Variants in NYAP2 observed in about 807,000 individuals in gnomAD.
NYAP2 encodes neuronal tyrosine-phosphorylated phosphoinositide-3-kinase adaptor 2, also known as neuronal tyrosine-phosphorylated phosphoinositide-3-kinase adapter 2.
A neutral mutation model predicts 50.4 loss-of-function variants in NYAP2; 23 were observed. The ratio of observed to expected loss-of-function variants is 0.46; its 90% CI spans 0.33 to 0.65. The LOEUF (loss-of-function observed/expected upper bound fraction) is 0.65, where lower values mean the gene tolerates loss of function less well. Among genes scored for constraint, NYAP2 ranks in the 30% least tolerant of loss-of-function variants. The probability of loss-of-function intolerance (pLI) is 0.02; values close to 1 mark genes in which losing one functional copy is unlikely to be tolerated. For synonymous variants in NYAP2, 394 were observed against 365.2 expected, an observed-to-expected ratio of 1.08 and a Z score of -0.90; for missense variants, 885 against 861.0, an observed-to-expected ratio of 1.03 and a Z score of -0.35.
chr2:225,475,119 C>T (rs1197925330), intron 3 of NYAP2, among the ~76,000 whole-genome samples: 1 of 152,120 alleles, frequency 6.6e-6, no homozygotes, highest in African/African-American at 2.4e-5. Flanking sequence ...AAAACTATAG[C>T]AAAAGCATAA....
At chr2:225,446,245 TC>T (rs1416332769) in intron 3 of NYAP2, among the ~76,000 whole-genome samples, 12 of 109,438 alleles carry the variant, frequency 1.1e-4, no homozygotes, top group African/African-American at 4.1e-4. Context: ...TCTCTCTCTC[TC>T]TATATATATA....
At chr2:225,665,577 T>A in the NYAP2 span, among the ~76,000 whole-genome samples, 1 of 150,986 alleles carries the variant, frequency 6.6e-6, no homozygotes, top group African/African-American at 2.4e-5. Context: ...TAGCTCCTTT[T>A]TTTTTTGAGA....
At chr2:225,429,702 C>T (rs1695338757) in intron 3 of NYAP2, among the ~76,000 whole-genome samples, 2 of 152,164 alleles carry the variant, frequency 1.3e-5, no homozygotes, top group Admixed American at 1.3e-4. Flanking sequence ...CATATGTTTG[C>T]AGAATCTAGG....
chr2:225,555,584 T>A (rs1835532), intron 4 of NYAP2, among the ~76,000 whole-genome samples: 140,786 of 152,188 alleles, frequency 0.93, 65,204 homozygotes, highest in Middle Eastern at 0.99. Context: ...CCATCTAGTT[T>A]TCAATGGTAA....
At chr2:225,474,029 G>C (rs1174727164) in intron 3 of NYAP2, among the ~76,000 whole-genome samples, 1 of 152,146 alleles carries the variant, frequency 6.6e-6, no homozygotes, top group Non-Finnish European at 1.5e-5. Flanking sequence ...TCTACATATG[G>C]CTAGCCAGTT....
the NYAP2 span, chr2:225,702,344 A>G: frequency 1.7e-4 from 26 of 151,890 alleles, no homozygotes; most frequent in African/African-American, 6.0e-4. Flanking sequence ...GAGCAAACTT[A>G]TGTATCAGGC....
At position 225,495,915 on chromosome 2, in the gene NYAP2, C is replaced by G. The variant is rs555741556; in HGVS notation, c.222-17456C>G. On this transcript the variant is annotated intron_variant, in intron 3 of 6. Transcript: ENST00000636099. The stretch of plus-strand genomic sequence containing the variant: ...CTGAGGTCATCCTTGCAAATGATGA[C>G]AGCCCCACCTGCTGTGAGTCTGAAT... 2.0e-4 allele frequency among the ~76,000 whole-genome samples: 30 copies of G among 152,238 alleles called. No homozygotes were observed. The Middle Eastern group carries it at 0.01, about 52-fold the overall frequency.
At chr2:225,692,056 C>T in the NYAP2 span, among the ~76,000 whole-genome samples, 1 of 152,126 alleles carries the variant, frequency 6.6e-6, no homozygotes, top group Non-Finnish European at 1.5e-5. Context: ...CACGACAAGT[C>T]TCAAGACTCC....
chr2:225,641,338 G>A (rs909835076), intron 6 of NYAP2, among the ~76,000 whole-genome samples: 3 of 151,310 alleles, frequency 2.0e-5, no homozygotes, highest in Non-Finnish European at 4.4e-5. Flanking sequence ...ACTAGTTCTG[G>A]AAGTTTTGTA....
At chr2:225,631,685 T>C (rs1224719653) in intron 6 of NYAP2, among the ~76,000 whole-genome samples, 2 of 152,216 alleles carry the variant, frequency 1.3e-5, no homozygotes, top group Non-Finnish European at 2.9e-5. Context: ...GTTGTGTTGT[T>C]AGCTTTTATT....
intron 6 of NYAP2, among the ~76,000 whole-genome samples, chr2:225,635,432 TA>T (rs1413656772): frequency 1.3e-5 from 2 of 152,140 alleles, no homozygotes; most frequent in Admixed American, 6.6e-5. Flanking sequence ...AAGATTAAAT[TA>T]AAAAATGCAT....
chr2:225,649,054 G>A (rs1693686429), intron 6 of NYAP2, among the ~76,000 whole-genome samples: 1 of 152,114 alleles, frequency 6.6e-6, no homozygotes, highest in Non-Finnish European at 1.5e-5. Context: ...GTAGCAGGAG[G>A]AATAGAGGTA....
intron 5 of NYAP2, among the ~76,000 whole-genome samples, chr2:225,625,206 C>G (rs1693189051): frequency 6.6e-6 from 1 of 152,030 alleles, no homozygotes. Flanking sequence ...GCTCCATTAA[C>G]ATACTTGCTA....
At chr2:225,598,729 G>A (rs1330518343) in intron 5 of NYAP2, among the ~76,000 whole-genome samples, 1 of 152,158 alleles carries the variant, frequency 6.6e-6, no homozygotes, top group South Asian at 2.1e-4. Context: ...ATATGTGAAA[G>A]GCTATAGACA....
At chr2:225,634,479 C>G (rs1430398587) in intron 6 of NYAP2, among the ~76,000 whole-genome samples, 1 of 151,966 alleles carries the variant, frequency 6.6e-6, no homozygotes, top group African/African-American at 2.4e-5. Flanking sequence ...TGATTCAGTC[C>G]TTCATATCCA....
chr2:225,700,212 T>G, the NYAP2 span: 1 of 151,860 alleles, frequency 6.6e-6, no homozygotes, highest in African/African-American at 2.4e-5. Context: ...TTATAATTAA[T>G]GTGTATTTTG....
At chr2:225,613,969 A>G (rs1047942945) in intron 5 of NYAP2, among the ~76,000 whole-genome samples, 6 of 152,196 alleles carry the variant, frequency 3.9e-5, no homozygotes, top group African/African-American at 1.2e-4. Flanking sequence ...TTGAAGCCTC[A>G]TGAACTGTTT....
chr2:225,540,663 A>G (rs1259850907), intron 4 of NYAP2, among the ~76,000 whole-genome samples: 2 of 152,286 alleles, frequency 1.3e-5, no homozygotes, highest in East Asian at 3.9e-4. Context: ...TATATGTACC[A>G]TGTTTTCTTT....
chr2:225,626,998 G>A (rs1418345604), exon 6 of NYAP2: 12 of 1,589,774 alleles, frequency 7.5e-6, no homozygotes, highest in Non-Finnish European at 1.0e-5. Flanking sequence ...GGCCACCATG[G>A]GGCGTCTTCC....
Sources: gnomAD v4.1 joint callset for allele counts (sites outside exome capture counted in the v4.1 genomes callset) on GRCh38, gnomAD v4.1.1 for gene constraint, MANE v1.5 for transcripts, NCBI Gene and HGNC (gene_info 2026-07-23, HGNC 2026-07-21) for gene names.